Variants in PRKACB observed in about 807,000 individuals in gnomAD.
The protein encoded by PRKACB is protein kinase cAMP-activated catalytic subunit beta.
Under a neutral mutation model 51.4 loss-of-function variants are expected in PRKACB, and 16 were observed. The ratio of observed to expected loss-of-function variants is 0.31; its 90% CI spans 0.21 to 0.47. The LOEUF (loss-of-function observed/expected upper bound fraction) is 0.47, where lower values mean the gene tolerates loss of function less well. PRKACB is among the 20% of genes least tolerant of loss of function. The pLI is 1.00. For missense variants in PRKACB, 309 were observed against 464.5 expected (o/e 0.67, Z 3.08); for synonymous variants, 147 against 154.4 (o/e 0.95, Z 0.35).
At position 84,202,725 on chromosome 1, in the gene PRKACB, A is replaced by G; in HGVS notation, c.826A>G (p.Ile276Val). Reference sequence around the variant, plus strand: ...GGATTGGTGGGCATTAGGAGTGCTAATCTATGAAATGGCAGCTGGCTATCC... The same window carrying G: ...GGATTGGTGGGCATTAGGAGTGCTAGTCTATGAAATGGCAGCTGGCTATCC... The part of the protein sequence containing the change: ...AVDWWALGVL[I>V]YEMAAGYPPF... Residue 276 changes from isoleucine (I) to valine (V), a missense_variant, in exon 8 of 10, where the codon ATC (isoleucine) becomes GTC (valine). By Grantham distance (29) the Ile-to-Val change is conservative. Transcript: ENST00000370685. 1 of 1,610,468 alleles carries G rather than the reference A, an allele frequency of 6.2e-7. No homozygotes were observed. Among genetic ancestry groups the G allele is most frequent in the Non-Finnish European group, 8.5e-7 (1 of 1,177,188 alleles).
intron 9 of PRKACB, among the ~76,000 whole-genome samples, chr1:84,222,940 A>G (rs550084676): frequency 6.6e-6 from 1 of 152,006 alleles, no homozygotes; most frequent in Non-Finnish European, 1.5e-5. Flanking sequence ...CTGTTTTTAG[A>G]TGTCTGTCTT....
At chr1:84,090,235 A>G (rs2100768530) in intron 1 of PRKACB, among the ~76,000 whole-genome samples, 1 of 152,278 alleles carries the variant, frequency 6.6e-6, no homozygotes, top group South Asian at 2.1e-4. Flanking sequence ...TCATGATATT[A>G]TGTCATATTT....
At chr1:84,170,000 A>T (rs764229778) in intron 1 of PRKACB, among the ~76,000 whole-genome samples, 10 of 151,728 alleles carry the variant, frequency 6.6e-5, no homozygotes, top group Non-Finnish European at 1.0e-4. Context: ...TGAAATGCTG[A>T]ATAAACTGTA....
chr1:84,130,307 C>G (rs896098217), intron 1 of PRKACB, among the ~76,000 whole-genome samples: 2 of 149,744 alleles, frequency 1.3e-5, no homozygotes, highest in Non-Finnish European at 3.0e-5. Flanking sequence ...TGTTTGTTTT[C>G]TGGTCCTGCT....
At chr1:84,162,535 T>C (rs1292383591) in intron 1 of PRKACB, among the ~76,000 whole-genome samples, 2 of 152,102 alleles carry the variant, frequency 1.3e-5, no homozygotes, top group African/African-American at 2.4e-5. Context: ...TCCAGTTCAC[T>C]GATTTGATCT....
chr1:84,135,266 C>T (rs527915124), intron 1 of PRKACB, among the ~76,000 whole-genome samples: 2 of 152,206 alleles, frequency 1.3e-5, no homozygotes, highest in African/African-American at 4.8e-5. Flanking sequence ...AACAAAGTAT[C>T]AAAATACTTG....
intron 9 of PRKACB, among the ~76,000 whole-genome samples, chr1:84,225,974 G>T (rs538816998): frequency 6.6e-6 from 1 of 152,280 alleles, no homozygotes; most frequent in South Asian, 2.1e-4. Flanking sequence ...GTCCTTCTTT[G>T]TGGAGGAGAG....
At chr1:84,096,922 T>A (rs1648966846) in intron 1 of PRKACB, among the ~76,000 whole-genome samples, 2 of 152,090 alleles carry the variant, frequency 1.3e-5, no homozygotes, top group East Asian at 3.8e-4. Context: ...TTCCCTCAGA[T>A]GTAACCACTA....
intron 1 of PRKACB, among the ~76,000 whole-genome samples, chr1:84,172,475 A>G (rs116768437): frequency 0.014 from 2,058 of 151,794 alleles, 58 homozygotes; most frequent in African/African-American, 0.048. Flanking sequence ...TGGATGGCCT[A>G]CAAAATCCAT....
chr1:84,129,167 G>T (rs887092946), intron 1 of PRKACB, among the ~76,000 whole-genome samples: 10 of 152,038 alleles, frequency 6.6e-5, no homozygotes, highest in Admixed American at 4.6e-4. Context: ...ATGTTGAATA[G>T]TAAGATCATT....
intron 9 of PRKACB, among the ~76,000 whole-genome samples, chr1:84,216,107 G>A (rs554338240): frequency 6.6e-6 from 1 of 152,300 alleles, no homozygotes; most frequent in South Asian, 2.1e-4. Flanking sequence ...GCCAAGGTGG[G>A]TGGATTGCTT....
At chr1:84,213,280 T>C (rs1253240131) in intron 8 of PRKACB, among the ~76,000 whole-genome samples, 2 of 152,236 alleles carry the variant, frequency 1.3e-5, no homozygotes, top group South Asian at 2.1e-4. Flanking sequence ...TAAGGAGGCA[T>C]AGATGCAGCT....
At chr1:84,102,096 A>C (rs923854383) in intron 1 of PRKACB, among the ~76,000 whole-genome samples, 4 of 151,990 alleles carry the variant, frequency 2.6e-5, no homozygotes, top group African/African-American at 9.7e-5. Context: ...AGGCTTATAA[A>C]AATTTTGTGT....
intron 1 of PRKACB, chr1:84,173,375 A>G (rs1179424536): frequency 1.3e-6 from 2 of 1,547,554 alleles, no homozygotes; most frequent in Admixed American, 1.9e-5. Flanking sequence ...CTTTTTTTAC[A>G]GAATAATTCT....
intron 2 of PRKACB, among the ~76,000 whole-genome samples, chr1:84,179,640 A>G (rs1419080253): frequency 6.6e-6 from 1 of 151,918 alleles, no homozygotes; most frequent in Non-Finnish European, 1.5e-5. Context: ...TCCCTGATAC[A>G]CAGGCATCTT....
chr1:84,162,768 C>G (rs537735523), intron 1 of PRKACB, among the ~76,000 whole-genome samples: 3 of 151,646 alleles, frequency 2.0e-5, no homozygotes, highest in South Asian at 4.2e-4. Context: ...GTCTTTAAAG[C>G]CTTTGTCTGC....
intron 5 of PRKACB, among the ~76,000 whole-genome samples, chr1:84,195,987 C>T (rs1668139928): frequency 6.6e-6 from 1 of 151,606 alleles, no homozygotes; most frequent in Admixed American, 6.6e-5. Context: ...TCTATGTAAA[C>T]AAGCATAGTA....
chr1:84,223,335 A>G (rs1197347831), intron 9 of PRKACB, among the ~76,000 whole-genome samples: 1 of 145,514 alleles, frequency 6.9e-6, no homozygotes, highest in Admixed American at 6.8e-5. Context: ...TGAATTCTTC[A>G]GTTCTGGGAT....
At chr1:84,111,175 G>A (rs767995386) in intron 1 of PRKACB, among the ~76,000 whole-genome samples, 2 of 151,850 alleles carry the variant, frequency 1.3e-5, no homozygotes, top group Non-Finnish European at 2.9e-5. Flanking sequence ...AAGATGATTT[G>A]GCCCCTTTAT....
Sources: gnomAD v4.1 joint callset for allele counts (sites outside exome capture counted in the v4.1 genomes callset) on GRCh38, gnomAD v4.1.1 for gene constraint, MANE v1.5 for transcripts, NCBI Gene and HGNC (gene_info 2026-07-23, HGNC 2026-07-21) for gene names.